Variants in HYDIN observed in about 807,000 individuals in gnomAD.
HYDIN encodes the protein HYDIN axonemal central pair apparatus protein.
In HYDIN, 132 loss-of-function variants were observed where a neutral mutation model predicts 403.9. That is an observed-to-expected ratio of 0.33 (90% CI 0.28 to 0.38). The LOEUF is 0.38. Among genes scored for constraint, HYDIN ranks in the 10% least tolerant of loss-of-function variants. The pLI is 1.00. For synonymous variants in HYDIN, 1,202 were observed against 1,891.7 expected (o/e 0.64, Z 9.46); for missense variants, 2,827 against 5,009.5 (o/e 0.56, Z 13.15).
Position 70,904,478 on chromosome 16 carries a change from C to CTTTTTTTTTT in HYDIN, c.8517-424_8517-415dup, listed in dbSNP as rs76148650. On this transcript the variant is annotated intron_variant, in intron 50 of 85. Transcript: ENST00000393567. ...CTGAGAGAGATTATCACTTGAGTAA[C>CTTTTTTTTTT]TTTTTTTTTTTTTTTTTTTTTTTTT... is the stretch of plus-strand genomic sequence containing the variant. Among the ~76,000 whole-genome samples, 6 of 25,218 alleles carry CTTTTTTTTTT rather than the reference C, an allele frequency of 2.4e-4. 2 individuals carry two copies. The highest frequency in any genetic ancestry group is 2.9e-4 in the Non-Finnish European group (3 of 10,478). The allele number at this position is 25,218 out of a possible 152,430, so 16.5% of individuals were successfully genotyped here.
chr16:71,061,723 C>G (rs900100959), intron 17 of HYDIN, among the ~76,000 whole-genome samples: 1 of 151,792 alleles, frequency 6.6e-6, no homozygotes, highest in African/African-American at 2.4e-5. Context: ...CAGTGATACC[C>G]AAACCCAGCT....
At chr16:71,022,066 C>T (rs906145004) in intron 21 of HYDIN, among the ~76,000 whole-genome samples, 32 of 151,580 alleles carry the variant, frequency 2.1e-4, no homozygotes, top group African/African-American at 6.5e-4. Flanking sequence ...CTTGCCTCTG[C>T]GGGTTGTATA....
chr16:70,863,053 A>T lies in HYDIN; in HGVS notation c.11569+32T>A, dbSNP rs374063246. ...GCTCTTCTAATTGGTGACTCAGGCC[A>T]GGCCCTGGGTTTTACTTGCCACTGA... On this transcript the variant is annotated intron_variant, in intron 68 of 85. Transcript: ENST00000393567. 3.1e-6 allele frequency: 5 copies of T among 1,606,046 alleles called. No homozygotes were observed. In the African/African-American group the frequency reaches 6.7e-5, roughly 21 times the overall value.
At chr16:70,808,582 T>A (rs2035254344) in intron 85 of HYDIN, among the ~76,000 whole-genome samples, 1 of 152,196 alleles carries the variant, frequency 6.6e-6, no homozygotes, top group African/African-American at 2.4e-5. Flanking sequence ...CAGGGTCCCC[T>A]GCTGGCCTCT....
At chr16:71,022,510 T>C (rs1213614034) in intron 21 of HYDIN, among the ~76,000 whole-genome samples, 1 of 152,164 alleles carries the variant, frequency 6.6e-6, no homozygotes, top group Non-Finnish European at 1.5e-5. Context: ...GTTGTTACCA[T>C]TATATTCTAA....
At chr16:71,106,127 C>T (rs532617428) in intron 10 of HYDIN, among the ~76,000 whole-genome samples, 235 of 151,464 alleles carry the variant, frequency 1.6e-3, no homozygotes, top group Middle Eastern at 6.9e-3. Context: ...TGGATCCTAC[C>T]TACTACTCTA....
At chr16:71,221,165 C>T (rs186895571) in intron 1 of HYDIN, among the ~76,000 whole-genome samples, 30 of 151,844 alleles carry the variant, frequency 2.0e-4, no homozygotes, top group Admixed American at 9.2e-4. Flanking sequence ...ACACTTTCAA[C>T]GTTTGGGTCA....
intron 10 of HYDIN, among the ~76,000 whole-genome samples, chr16:71,094,175 T>C (rs1464271904): frequency 6.6e-6 from 1 of 152,082 alleles, no homozygotes; most frequent in African/African-American, 2.4e-5. Context: ...AAAGATATAA[T>C]TCTGGAAAAA....
In HYDIN at chr16:70,945,513, G is replaced by C. The variant is rs557354181; in HGVS notation, c.6532-1564C>G. On this transcript the variant is annotated intron_variant, in intron 41 of 85. Transcript: ENST00000393567. ...TTTCGAGAGTCATAAGCATGTTAAA[G>C]GTATTTAAATATTTAAGTAATGCAA... Among the ~76,000 whole-genome samples, 34 of 152,284 alleles carry C rather than the reference G, an allele frequency of 2.2e-4. 1 individual carries two copies. Among genetic ancestry groups the C allele is most frequent in the Admixed American group, 1.6e-3 (24 of 15,282 alleles).
chr16:71,180,124 T>C (rs1401389426), intron 3 of HYDIN, among the ~76,000 whole-genome samples: 1 of 151,804 alleles, frequency 6.6e-6, no homozygotes, highest in Non-Finnish European at 1.5e-5. Flanking sequence ...ATTGACAAAA[T>C]ACCTCATGAG....
At chr16:70,980,940 C>T (rs1266852160) in intron 29 of HYDIN, among the ~76,000 whole-genome samples, 7 of 152,012 alleles carry the variant, frequency 4.6e-5, no homozygotes, top group African/African-American at 1.7e-4. Context: ...TTAGCCTTCA[C>T]CCTGTGTAAT....
intron 3 of HYDIN, among the ~76,000 whole-genome samples, chr16:71,183,724 T>C (rs962041314): frequency 6.6e-6 from 1 of 152,054 alleles, no homozygotes; most frequent in African/African-American, 2.4e-5. Flanking sequence ...AGAAATACAG[T>C]CTTCATAAGC....
chr16:70,841,757 C>T (rs1169258122), intron 75 of HYDIN, among the ~76,000 whole-genome samples: 1 of 152,070 alleles, frequency 6.6e-6, no homozygotes, highest in Non-Finnish European at 1.5e-5. Context: ...GTAACCATTG[C>T]CCTTTCATCA....
chr16:71,221,044 A>C (rs2089174622), intron 1 of HYDIN, among the ~76,000 whole-genome samples: 1 of 152,152 alleles, frequency 6.6e-6, no homozygotes, highest in Non-Finnish European at 1.5e-5. Flanking sequence ...CCTCCAGACA[A>C]GGACACCCTG....
chr16:70,999,090 G>A (rs1477891199), intron 23 of HYDIN, among the ~76,000 whole-genome samples: 2 of 152,160 alleles, frequency 1.3e-5, no homozygotes, highest in African/African-American at 4.8e-5. Flanking sequence ...GTTACTCAGA[G>A]CTTAGGAGAT....
intron 23 of HYDIN, among the ~76,000 whole-genome samples, chr16:70,996,221 T>C (rs1192618046): frequency 6.6e-6 from 1 of 152,242 alleles, no homozygotes; most frequent in African/African-American, 2.4e-5. Flanking sequence ...TAATTTCTTA[T>C]AGTTCTCCTG....
At chr16:71,134,551 G>T (rs972574510) in intron 8 of HYDIN, among the ~76,000 whole-genome samples, 3 of 152,188 alleles carry the variant, frequency 2.0e-5, no homozygotes, top group African/African-American at 7.2e-5. Flanking sequence ...CTGCCCATAA[G>T]CAAGCTACCA....
chr16:71,033,934 A>T (rs1597601532), intron 18 of HYDIN, among the ~76,000 whole-genome samples: 1 of 152,168 alleles, frequency 6.6e-6, no homozygotes, highest in Admixed American at 6.5e-5. Flanking sequence ...ATATGCACTG[A>T]GAAAAAGCTG....
intron 41 of HYDIN, among the ~76,000 whole-genome samples, chr16:70,949,728 G>A (rs199643224): frequency 7.2e-5 from 11 of 151,914 alleles, no homozygotes; most frequent in African/African-American, 2.7e-4. Flanking sequence ...GATCATTTGA[G>A]TCTTGTCACA....
Sources: gnomAD v4.1 joint callset for allele counts (sites outside exome capture counted in the v4.1 genomes callset) on GRCh38, gnomAD v4.1.1 for gene constraint, MANE v1.5 for transcripts, NCBI Gene and HGNC (gene_info 2026-07-23, HGNC 2026-07-21) for gene names.